SBF2: variants seen among roughly 807,000 people sequenced by gnomAD.
SBF2 encodes the protein myotubularin-related protein 13.
In SBF2, 112 loss-of-function variants were observed where a neutral mutation model predicts 225.2. The observed-to-expected ratio is 0.50, with a 90% confidence interval of 0.43 to 0.58. SBF2 has a LOEUF of 0.58. Among genes scored for constraint, SBF2 ranks in the 20% least tolerant of loss-of-function variants. SBF2 has a pLI of 0.00. For missense variants in SBF2, 1,996 were observed against 2,206.2 expected (o/e 0.90, Z 1.91); for synonymous variants, 763 against 773.3 (o/e 0.99, Z 0.22).
At chr11:9,882,795 CAAAAAAA>C in intron 17 of SBF2, among the ~76,000 whole-genome samples, 1 of 90,098 alleles carries the variant, frequency 1.1e-5, no homozygotes, top group South Asian at 4.5e-4. Flanking sequence ...GTGACAGAGT[CAAAAAAA>C]AAAAAAAAAA....
intron 2 of SBF2, among the ~76,000 whole-genome samples, chr11:10,188,063 A>G (rs1957008560): frequency 6.6e-6 from 1 of 152,252 alleles, no homozygotes; most frequent in South Asian, 2.1e-4. Flanking sequence ...CAAGGCTTTT[A>G]AATTTCAAAT....
At chr11:9,907,131 T>A (rs1238460231) in intron 16 of SBF2, among the ~76,000 whole-genome samples, 1 of 152,208 alleles carries the variant, frequency 6.6e-6, no homozygotes, top group Non-Finnish European at 1.5e-5. Context: ...ATCTTCTACA[T>A]AAGGACAAAA....
intron 12 of SBF2, among the ~76,000 whole-genome samples, chr11:9,992,037 A>C (rs935358949): frequency 6.6e-6 from 1 of 152,132 alleles, no homozygotes; most frequent in Non-Finnish European, 1.5e-5. Flanking sequence ...TATTTTAAAC[A>C]ACCATTTTTT....
intron 17 of SBF2, among the ~76,000 whole-genome samples, chr11:9,859,143 A>G (rs927155339): frequency 1.3e-5 from 2 of 152,246 alleles, no homozygotes; most frequent in Non-Finnish European, 2.9e-5. Flanking sequence ...TTTAGAAGGC[A>G]CTTCATATAT....
chr11:9,853,869 T>G (rs1028427951), intron 19 of SBF2, among the ~76,000 whole-genome samples, 157 bp from the exon 20 acceptor site: 4 of 152,154 alleles, frequency 2.6e-5, no homozygotes, highest in Admixed American at 2.6e-4. Context: ...TAAGTGATGG[T>G]GATAAAACAC....
chr11:10,257,685 A>G (rs940787129), intron 1 of SBF2, among the ~76,000 whole-genome samples: 35 of 149,412 alleles, frequency 2.3e-4, no homozygotes, highest in African/African-American at 7.9e-4. Context: ...AAAAAAAAAA[A>G]AAAAAGAAAT....
intron 2 of SBF2, among the ~76,000 whole-genome samples, chr11:10,126,229 G>A (rs536350501): frequency 6.6e-6 from 1 of 152,068 alleles, no homozygotes; most frequent in South Asian, 2.1e-4. Context: ...CTAAATCTGT[G>A]GTTATACTGC....
intron 16 of SBF2, among the ~76,000 whole-genome samples, chr11:9,923,132 G>C (rs185997546): frequency 2.2e-4 from 33 of 152,092 alleles, no homozygotes; most frequent in African/African-American, 8.0e-4. Flanking sequence ...CCTTTTAAAA[G>C]CACTCACTTC....
intron 1 of SBF2, among the ~76,000 whole-genome samples, chr11:10,238,694 C>G (rs1256999707): frequency 6.6e-6 from 1 of 150,704 alleles, no homozygotes; most frequent in Non-Finnish European, 1.5e-5. Flanking sequence ...GGGTGGATCA[C>G]CTGAGGTCAG....
At chr11:9,915,290 T>C (rs1345433819) in intron 16 of SBF2, among the ~76,000 whole-genome samples, 1 of 151,688 alleles carries the variant, frequency 6.6e-6, no homozygotes, top group Non-Finnish European at 1.5e-5. Flanking sequence ...CTACTAAAAA[T>C]ACAAAAATTA....
At chr11:9,801,388 C>T (rs1300182447) in intron 32 of SBF2, among the ~76,000 whole-genome samples, 3 of 151,888 alleles carry the variant, frequency 2.0e-5, no homozygotes, top group Non-Finnish European at 2.9e-5. Flanking sequence ...GCCCATGTGC[C>T]ATTAAGTACT....
intron 32 of SBF2, among the ~76,000 whole-genome samples, chr11:9,802,570 C>CTGTTT (rs1853554094): frequency 6.6e-6 from 1 of 152,182 alleles, no homozygotes; most frequent in African/African-American, 2.4e-5. Context: ...AATTTTGAAC[C>CTGTTT]TGTTTTTTTG....
chr11:9,845,856 G>C, intron 23 of SBF2, 116 bp from the exon 24 acceptor site: 1 of 902,982 alleles, frequency 1.1e-6, no homozygotes, highest in Non-Finnish European at 1.8e-6. Flanking sequence ...AAGGGACTTT[G>C]GATAACATGC....
chr11:10,175,978 C>T (rs1196715593), intron 2 of SBF2, among the ~76,000 whole-genome samples: 1 of 140,272 alleles, frequency 7.1e-6, no homozygotes, highest in Non-Finnish European at 1.6e-5. Context: ...AACAAAGACA[C>T]AACATACCAG....
At chr11:9,870,128 C>T (rs1858602950) in intron 17 of SBF2, among the ~76,000 whole-genome samples, 1 of 151,954 alleles carries the variant, frequency 6.6e-6, no homozygotes, top group Non-Finnish European at 1.5e-5. Context: ...AGTAAAATAC[C>T]TAGGAATAAA....
chr11:10,012,942 A>C (rs1948513313), intron 6 of SBF2, among the ~76,000 whole-genome samples: 1 of 152,178 alleles, frequency 6.6e-6, no homozygotes, highest in Admixed American at 6.5e-5. Context: ...TGGTCAGTCC[A>C]TAATTTGGGC....
At chr11:10,254,137 A>G (rs1960630134) in intron 1 of SBF2, among the ~76,000 whole-genome samples, 1 of 152,076 alleles carries the variant, frequency 6.6e-6, no homozygotes, top group Non-Finnish European at 1.5e-5. Context: ...TAATCCCCAC[A>G]CTTTGGGAGG....
chr11:9,937,515 A>G (rs1425715515), intron 16 of SBF2, among the ~76,000 whole-genome samples: 1 of 152,210 alleles, frequency 6.6e-6, no homozygotes, highest in Non-Finnish European at 1.5e-5. Context: ...AATAAAAAAT[A>G]ATTATCCTAA....
intron 2 of SBF2, among the ~76,000 whole-genome samples, chr11:10,117,886 CAA>C (rs1953232648): frequency 6.6e-6 from 1 of 151,666 alleles, no homozygotes; most frequent in South Asian, 2.1e-4. Context: ...TTTGTTAAAA[CAA>C]AGAATGTGAT....
Sources: allele counts gnomAD v4.1 joint callset (sites outside exome capture counted in the v4.1 genomes callset), GRCh38; gene constraint gnomAD v4.1.1; transcripts MANE v1.5; gene names NCBI Gene and HGNC (gene_info 2026-07-23, HGNC 2026-07-21).